The following TMUB2 variants were observed in gnomAD, a reference collection of about 807,000 sequenced individuals.
TMUB2 encodes the protein transmembrane and ubiquitin-like domain-containing protein 2.
Under a neutral mutation model 20.2 loss-of-function variants are expected in TMUB2, and 19 were observed. The observed-to-expected ratio is 0.94, with a 90% confidence interval of 0.66 to 1.38. TMUB2 has a LOEUF of 1.38. Ranked by LOEUF, TMUB2 falls within the 40% of genes most tolerant of loss-of-function variation. The pLI is 0.00. For synonymous variants in TMUB2, 186 were observed against 166.0 expected (o/e 1.12, Z -0.92); for missense variants, 426 against 402.5 (o/e 1.06, Z -0.50).
In TMUB2 at chr17:44,189,494, A is replaced by G; in HGVS notation, c.508A>G (p.Ser170Gly). 1.9e-6 allele frequency: 3 copies of G among 1,614,012 alleles called. No individual in the cohort carries two copies. The highest frequency in any genetic ancestry group is 2.5e-6 in the Non-Finnish European group (3 of 1,179,966). Residue 170 changes from serine to glycine, a missense_variant, in exon 3 of 4, where the codon AGC (serine) becomes GGC (glycine). Ser to Gly is a moderately conservative substitution (Grantham distance 56). Coordinates refer to ENST00000538716, the MANE Select transcript of TMUB2 (RefSeq NM_001076674.3). ...RSEDSTCLPP[S>G]PGLITVRLKF... The stretch of plus-strand genomic sequence containing the variant: ...TGAGGATAGCACCTGCCTCCCTCCC[A>G]GCCCTGGCCTCATCACTGTGCGGCT...
At chr17:44,188,917 C>CTTTTT in intron 2 of TMUB2, 105 bp from the exon 3 acceptor site, 1 of 1,293,372 alleles carries the variant, frequency 7.7e-7, no homozygotes, top group Non-Finnish European at 1.0e-6. Context: ...CACTGAACTC[C>CTTTTT]TTTTTTTTTT....
intron 3 of TMUB2, 53 bp downstream of exon 3, chr17:44,189,641 T>C: frequency 6.7e-7 from 1 of 1,500,446 alleles, no homozygotes; most frequent in Non-Finnish European, 8.9e-7. Flanking sequence ...CAGCCCTTGG[T>C]TGCCTCTAAG....
rs573195151 is a variant in TMUB2 at position 44,191,787 on chromosome 17, G to C, written c.*923G>C. The C allele has an allele frequency of 7.6e-5, 74 of 972,450 alleles. No homozygotes were observed. The South Asian group carries it at 1.3e-3, about 17-fold the overall frequency. The allele number at this position is 972,450 out of a possible 1,614,324, so 60.2% of individuals were successfully genotyped here. ...GCTGCCCCCAGGAAAATGGTAATGA[G>C]AGTAGGTAGGCCGGGGCTACCAACG... On this transcript the variant is annotated 3_prime_UTR_variant, in exon 4 of 4. Coordinates refer to ENST00000538716, the MANE Select transcript of TMUB2 (RefSeq NM_001076674.3).
Position 44,191,051 on chromosome 17 carries a change from C to G in TMUB2, c.*187C>G. 1 of 1,404,238 alleles carries G rather than the reference C, an allele frequency of 7.1e-7. No homozygotes were observed. 87.0% of individuals were successfully genotyped at this position (1,404,238 alleles called of 1,614,324 possible). On this transcript the variant is annotated 3_prime_UTR_variant, in exon 4 of 4. Transcript: ENST00000538716. ...CATCCACAGGAGTACAGATGTCCCT[C>G]CCGTGCGAGCACAACTCAGGTAGAA... is the stretch of plus-strand genomic sequence containing the variant.
chr17:44,188,083 C>T, intron 2 of TMUB2: 2 of 259,974 alleles, frequency 7.7e-6, no homozygotes, highest in African/African-American at 2.2e-5. Flanking sequence ...ACTGGATTTG[C>T]CCAGGGACAG....
chr17:44,191,604 T>TGGCCAGCG lies in TMUB2; in HGVS notation c.*741_*748dup. On this transcript the variant is annotated 3_prime_UTR_variant, in exon 4 of 4. Transcript: ENST00000538716. ...GTAAGCAAGAGACAGCACTGGCCCT[T>TGGCCAGCG]GGCCAGCGTCCTACCCTGCCCAACT... The TGGCCAGCG allele has an allele frequency of 1.0e-6, 1 of 985,942 alleles. No individual in the cohort carries two copies. The highest frequency in any genetic ancestry group is 1.2e-6 in the Non-Finnish European group (1 of 829,992). 61.1% of individuals were successfully genotyped at this position (985,942 alleles called of 1,614,324 possible).
Position 44,191,198 on chromosome 17 carries a change from G to A in TMUB2, c.*334G>A, listed in dbSNP as rs190938607. On this transcript the variant is annotated 3_prime_UTR_variant, in exon 4 of 4. Transcript: ENST00000538716. ...CCACCTGTGGTTCTGACTCTTCCCA[G>A]TGTCCTGCATGTCTGCCCCCAGCAC... The A allele has an allele frequency of 9.2e-7, 1 of 1,092,290 alleles. No homozygotes were observed. Among genetic ancestry groups the A allele is most frequent in the Admixed American group, 4.8e-5 (1 of 20,684 alleles). 67.7% of individuals were successfully genotyped at this position (1,092,290 alleles called of 1,614,324 possible).
At position 44,189,396 on chromosome 17, in the gene TMUB2, T is replaced by C. The variant is rs776182870; in HGVS notation, c.410T>C (p.Leu137Pro). 2 of 1,613,572 alleles carry C rather than the reference T, an allele frequency of 1.2e-6. No individual in the cohort carries two copies. The highest frequency in any genetic ancestry group is 1.7e-5 in the Admixed American group (1 of 59,960). Residue 137 changes from leucine (L) to proline (P), a missense_variant, in exon 3 of 4, where the codon CTC becomes CCC. Transcript: ENST00000538716. ...GGTGTTGAGCCCAGCCTTGAGCATCTCCTTGACATCCAAGGCCTGCCCAAA... is the reference window on the plus strand; with the variant it reads ...GGTGTTGAGCCCAGCCTTGAGCATCCCCTTGACATCCAAGGCCTGCCCAAA... Reference protein sequence around the residue: ...GGGVEPSLEHLLDIQGLPKRQ... With the variant: ...GGGVEPSLEHPLDIQGLPKRQ...
At position 44,190,706 on chromosome 17, in the gene TMUB2, G is replaced by A; in HGVS notation, c.808G>A (p.Val270Met). Residue 270 changes from valine to methionine, a missense_variant, in exon 4 of 4, where the codon GTG becomes ATG. Coordinates refer to ENST00000538716, the MANE Select transcript of TMUB2 (RefSeq NM_001076674.3). ...ATEPPSLGVN[V>M]GSLMVPVFVV... Reference sequence around the variant, plus strand: ...TGAGCCACCCAGCCTTGGTGTCAATGTGGGCAGCCTCATGGTGCCTGTCTT... The same window carrying A: ...TGAGCCACCCAGCCTTGGTGTCAATATGGGCAGCCTCATGGTGCCTGTCTT... The A allele has an allele frequency of 1.2e-6, 2 of 1,614,206 alleles. No homozygotes were observed. Among genetic ancestry groups the A allele is most frequent in the Non-Finnish European group, 1.7e-6 (2 of 1,180,046 alleles).
Position 44,191,412 on chromosome 17 carries a change from C to G in TMUB2, c.*548C>G. 1 of 986,940 alleles carries G rather than the reference C, an allele frequency of 1.0e-6. No individual in the cohort carries two copies. The highest frequency in any genetic ancestry group is 1.2e-6 in the Non-Finnish European group (1 of 830,658). 61.1% of individuals were successfully genotyped at this position (986,940 alleles called of 1,614,324 possible). A position where few individuals can be genotyped will look rare whatever the true frequency, so the allele number is the denominator to read the frequency against. On this transcript the variant is annotated 3_prime_UTR_variant, in exon 4 of 4. Transcript: ENST00000538716. ...TTCACCTTCTTCCTCTACCCCTTAG[C>G]AGGAATAGGGTGTCCTCCCTTCTTT...
chr17:44,189,397 C>T lies in TMUB2; in HGVS notation c.411C>T (p.Leu137=), dbSNP rs759182608. The T allele has an allele frequency of 3.1e-6, 5 of 1,613,800 alleles. No homozygotes were observed. The South Asian group carries it at 4.4e-5, about 14-fold the overall frequency. The change falls in exon 3 of 4, where the codon CTC becomes CTT. Residue 137 remains leucine (L), a synonymous_variant. Coordinates refer to ENST00000538716, the MANE Select transcript of TMUB2 (RefSeq NM_001076674.3). ...GTGTTGAGCCCAGCCTTGAGCATCT[C>T]CTTGACATCCAAGGCCTGCCCAAAA... ...GGGVEPSLEH[L]LDIQGLPKRQ... is the part of the protein sequence containing the mutation.
rs748439864 is a variant in TMUB2, at chr17:44,191,109, C to T, written c.*245C>T. On this transcript the variant is annotated 3_prime_UTR_variant, in exon 4 of 4. Coordinates refer to ENST00000538716, the MANE Select transcript of TMUB2 (RefSeq NM_001076674.3). ...TGTCATCTTCCTTCACTTTTAGGGT[C>T]CTCTGAAGGAGTTCAAAGCTGCTGG... The T allele has an allele frequency of 1.6e-6, 2 of 1,247,768 alleles. No individual in the cohort carries two copies. The highest frequency in any genetic ancestry group is 1.5e-5 in the African/African-American group (1 of 65,566). The allele number at this position is 1,247,768 out of a possible 1,614,324, so 77.3% of individuals were successfully genotyped here. A position where few individuals can be genotyped will look rare whatever the true frequency, so the allele number is the denominator to read the frequency against.
Position 44,190,704 on chromosome 17 carries a change from A to G in TMUB2, c.806A>G (p.Asn269Ser), listed in dbSNP as rs768804059. 10 of 1,614,120 alleles carry G rather than the reference A, an allele frequency of 6.2e-6. No individual in the cohort carries two copies. In the Admixed American group the frequency reaches 6.7e-5, roughly 11 times the overall value. Reference sequence around the variant, plus strand: ...ACTGAGCCACCCAGCCTTGGTGTCAATGTGGGCAGCCTCATGGTGCCTGTC... The same window carrying G: ...ACTGAGCCACCCAGCCTTGGTGTCAGTGTGGGCAGCCTCATGGTGCCTGTC... ...SATEPPSLGV[N>S]VGSLMVPVFV... The change falls in exon 4 of 4, where the codon AAT becomes AGT. Residue 269 changes from asparagine to serine, a missense_variant. Coordinates refer to ENST00000538716, the MANE Select transcript of TMUB2 (RefSeq NM_001076674.3).
chr17:44,191,334 CACTG>C lies in TMUB2; in HGVS notation c.*471_*474del. 1 of 989,688 alleles carries C rather than the reference CACTG, an allele frequency of 1.0e-6. No homozygotes were observed. The highest frequency in any genetic ancestry group is 1.2e-6 in the Non-Finnish European group (1 of 832,288). The allele number at this position is 989,688 out of a possible 1,614,324, so 61.3% of individuals were successfully genotyped here. On this transcript the variant is annotated 3_prime_UTR_variant, in exon 4 of 4. Transcript: ENST00000538716. The stretch of plus-strand genomic sequence containing the variant: ...TACTCATCTTTTGAGACTGAAATCA[CACTG>C]GCGGGAATGAAGATTGTGCCAGCCT...
intron 2 of TMUB2, 180 bp from the exon 3 acceptor site, chr17:44,188,842 G>T: frequency 9.4e-7 from 1 of 1,063,012 alleles, no homozygotes; most frequent in Non-Finnish European, 1.3e-6. Flanking sequence ...GCAAAGGGTA[G>T]GGTAGGTCTT....
chr17:44,191,299 C>T lies in TMUB2; in HGVS notation c.*435C>T, dbSNP rs2055540811. On this transcript the variant is annotated 3_prime_UTR_variant, in exon 4 of 4. Coordinates refer to ENST00000538716, the MANE Select transcript of TMUB2 (RefSeq NM_001076674.3). ...GGGAGCCTGGAGTATCCTTCCATTT[C>T]TCAGCCAAATACTCATCTTTTGAGA... 1.0e-6 allele frequency: 1 copy of T among 995,506 alleles called. No individual in the cohort carries two copies. The highest frequency in any genetic ancestry group is 4.5e-5 in the South Asian group (1 of 22,310). The allele number at this position is 995,506 out of a possible 1,614,324, so 61.7% of individuals were successfully genotyped here. A position where few individuals can be genotyped will look rare whatever the true frequency, so the allele number is the denominator to read the frequency against.
rs755297238 is a variant in TMUB2 at position 44,189,194 on chromosome 17, A to G, written c.208A>G (p.Ile70Val). 1 of 1,614,076 alleles carries G rather than the reference A, an allele frequency of 6.2e-7. No individual in the cohort carries two copies. The highest frequency in any genetic ancestry group is 8.5e-7 in the Non-Finnish European group (1 of 1,180,008). The change falls in exon 3 of 4, where the codon ATT becomes GTT. Residue 70 changes from isoleucine (I) to valine (V), a missense_variant. Ile to Val is a conservative substitution (Grantham distance 29, BLOSUM62 3). Transcript: ENST00000538716. Reference sequence around the variant, plus strand: ...CGGTAGCAACCAGCTCCTGGGCGCTATTGTGTCAGCAGGCGACACATCCGT... The same window carrying G: ...CGGTAGCAACCAGCTCCTGGGCGCTGTTGTGTCAGCAGGCGACACATCCGT... ...DSGSNQLLGA[I>V]VSAGDTSVLH...
At chr17:44,188,170 A>G (rs571844382) in intron 2 of TMUB2, among the ~76,000 whole-genome samples, 17 of 152,356 alleles carry the variant, frequency 1.1e-4, no homozygotes, top group African/African-American at 4.1e-4. Flanking sequence ...TGCCTTTCTA[A>G]GAAACTGCAG....
intron 2 of TMUB2, among the ~76,000 whole-genome samples, chr17:44,188,313 G>A (rs2054784292): frequency 6.6e-6 from 1 of 152,180 alleles, no homozygotes; most frequent in Non-Finnish European, 1.5e-5. Flanking sequence ...CAGGAAGGTG[G>A]TGCTTCTGGT....
Sources: gnomAD v4.1 joint callset for allele counts (sites outside exome capture counted in the v4.1 genomes callset) on GRCh38, gnomAD v4.1.1 for gene constraint, MANE v1.5 for transcripts, NCBI Gene and HGNC (gene_info 2026-07-23, HGNC 2026-07-21) for gene names.